ILRUN: variants seen among roughly 807,000 people sequenced by gnomAD.
ILRUN encodes the protein protein ILRUN.
A neutral mutation model predicts 33.8 loss-of-function variants in ILRUN; 3 were observed. That is an observed-to-expected ratio of 0.09 (90% CI 0.04 to 0.23). The LOEUF is 0.23. ILRUN is among the 10% of genes least tolerant of loss of function. The pLI, the probability that ILRUN is intolerant of heterozygous loss-of-function variation, is 1.00. For synonymous variants in ILRUN, 124 were observed against 138.9 expected, an observed-to-expected ratio of 0.89 and a Z score of 0.75; for missense variants, 210 against 375.1, an observed-to-expected ratio of 0.56 and a Z score of 3.64.
intron 3 of ILRUN, among the ~76,000 whole-genome samples, chr6:34,627,962 C>T (rs899845706): frequency 6.6e-6 from 1 of 152,044 alleles, no homozygotes; most frequent in East Asian, 1.9e-4. Flanking sequence ...CCTCAGTCCC[C>T]GAAGTACTGG....
At chr6:34,682,267 T>TTGTTTTGTTTTG (rs1416812137) in intron 1 of ILRUN, among the ~76,000 whole-genome samples, 32 of 139,808 alleles carry the variant, frequency 2.3e-4, no homozygotes, top group African/African-American at 7.2e-4. Context: ...TTTTTTTTTT[T>TTGTTTTGTTTTG]TTTTTTTTTT....
chr6:34,596,241 C>T (rs1761396891), intron 4 of ILRUN, among the ~76,000 whole-genome samples: 1 of 152,200 alleles, frequency 6.6e-6, no homozygotes, highest in Non-Finnish European at 1.5e-5. Context: ...CAGCAGGACC[C>T]GTCAGCATGA....
chr6:34,643,828 G>A (rs564020844), intron 3 of ILRUN, among the ~76,000 whole-genome samples: 3 of 152,098 alleles, frequency 2.0e-5, no homozygotes, highest in South Asian at 2.1e-4. Flanking sequence ...TCAGCCTCCC[G>A]AGTAGCTGGG....
chr6:34,670,244 T>G (rs1035800954), intron 1 of ILRUN, among the ~76,000 whole-genome samples: 2 of 152,060 alleles, frequency 1.3e-5, no homozygotes, highest in African/African-American at 4.8e-5. Context: ...CAAAAAAGAT[T>G]AGTGGTTGCC....
At position 34,614,445 on chromosome 6, in the gene ILRUN, T is replaced by A. The variant is rs868853455; in HGVS notation, c.512-7541A>T. 4.3e-4 allele frequency among the ~76,000 whole-genome samples: 50 copies of A among 116,696 alleles called. 1 individual carries two copies. Among genetic ancestry groups the A allele is most frequent in the African/African-American group, 1.2e-3 (30 of 24,832 alleles). The allele number at this position is 116,696 out of a possible 152,430, so 76.6% of individuals were successfully genotyped here. On this transcript the variant is annotated intron_variant, in intron 3 of 4. Coordinates refer to ENST00000374023, the MANE Select transcript of ILRUN (RefSeq NM_024294.4). ...TCAAAAAATAATAAAAAAAAAAAAATATATATATATAAAATGTATATTATA... is the reference window on the plus strand; with the variant it reads ...TCAAAAAATAATAAAAAAAAAAAAAAATATATATATAAAATGTATATTATA...
chr6:34,654,189 A>G (rs992615010), intron 2 of ILRUN, among the ~76,000 whole-genome samples: 3 of 152,098 alleles, frequency 2.0e-5, no homozygotes, highest in African/African-American at 7.2e-5. Flanking sequence ...AGAGCTTTCA[A>G]AAGAGCAGAT....
chr6:34,595,884 TTTCCTGGGTCA>T, intron 4 of ILRUN: 1 of 985,492 alleles, frequency 1.0e-6, no homozygotes, highest in Non-Finnish European at 1.2e-6. Context: ...CTCTTCCTCA[TTTCCTGGGTCA>T]GTCCTGGTCA....
chr6:34,650,417 T>G (rs1562017823), intron 2 of ILRUN, among the ~76,000 whole-genome samples: 1 of 83,088 alleles, frequency 1.2e-5, no homozygotes, highest in Non-Finnish European at 2.2e-5. Context: ...TTTTATTTAT[T>G]TATTTATTTA....
At chr6:34,621,209 TAAC>T (rs1399974137) in intron 3 of ILRUN, among the ~76,000 whole-genome samples, 14 of 152,334 alleles carry the variant, frequency 9.2e-5, no homozygotes, top group Admixed American at 7.2e-4. Context: ...CTTCTTACTC[TAAC>T]AACTGAAAAT....
At chr6:34,683,501 T>TATATATATACATATATATATAC (rs1562033248) in intron 1 of ILRUN, among the ~76,000 whole-genome samples, 4 of 91,902 alleles carry the variant, frequency 4.4e-5, no homozygotes, top group East Asian at 3.1e-4. Context: ...TATATATACA[T>TATATATATACATATATATATAC]ATATATATAT....
intron 4 of ILRUN, among the ~76,000 whole-genome samples, chr6:34,598,325 C>T (rs1415931644): frequency 6.6e-6 from 1 of 152,194 alleles, no homozygotes; most frequent in African/African-American, 2.4e-5. Context: ...CAGTTCTTAA[C>T]CTTACATTTT....
intron 1 of ILRUN, among the ~76,000 whole-genome samples, chr6:34,691,847 A>G (rs369810572): frequency 2.0e-5 from 3 of 152,228 alleles, no homozygotes; most frequent in African/African-American, 7.2e-5. Context: ...ACCAAACAAA[A>G]TATGTGTTAA....
chr6:34,672,778 A>T (rs1763143227), intron 1 of ILRUN, among the ~76,000 whole-genome samples: 1 of 152,132 alleles, frequency 6.6e-6, no homozygotes, highest in African/African-American at 2.4e-5. Context: ...CAGGAGCTCC[A>T]ATAAAGGAGA....
At position 34,592,892 on chromosome 6, in the gene ILRUN, T is replaced by G. The variant is rs6919218; in HGVS notation, c.862-2292A>C. Reference sequence around the variant, plus strand: ...AAAATGCACAGCAAAAAGAAAACCTTGCTAGGTACGGTCGCTTATGTCTAT... The same window carrying G: ...AAAATGCACAGCAAAAAGAAAACCTGGCTAGGTACGGTCGCTTATGTCTAT... On this transcript the variant is annotated intron_variant, in intron 4 of 4. Transcript: ENST00000374023. This position sits in a 1 kb window ranked among gnomAD's most constrained non-coding sequence, Gnocchi z 4.0. Among the ~76,000 whole-genome samples the G allele has an allele frequency of 0.022, 3,387 of 152,276 alleles. 127 individuals carry two copies. The highest frequency in any genetic ancestry group is 0.074 in the African/African-American group (3,075 of 41,546).
intron 1 of ILRUN, among the ~76,000 whole-genome samples, chr6:34,663,322 C>T (rs938116305): frequency 6.6e-6 from 1 of 152,038 alleles, no homozygotes; most frequent in Non-Finnish European, 1.5e-5. Context: ...ACTCAGAAGG[C>T]TGAAGTGGAA....
intron 1 of ILRUN, among the ~76,000 whole-genome samples, chr6:34,678,621 G>C (rs911797950): frequency 4.1e-4 from 62 of 151,886 alleles, no homozygotes; most frequent in African/African-American, 1.3e-3. Context: ...GCCGAGGCAG[G>C]TGGATCACGA....
At chr6:34,621,817 C>T (rs933327225) in intron 3 of ILRUN, among the ~76,000 whole-genome samples, 1 of 151,600 alleles carries the variant, frequency 6.6e-6, no homozygotes, top group African/African-American at 2.4e-5. Flanking sequence ...GAGCCAAGAT[C>T]GTGCCACTGC....
intron 1 of ILRUN, among the ~76,000 whole-genome samples, chr6:34,680,175 CTT>C (rs1763329998): frequency 6.6e-6 from 1 of 152,196 alleles, no homozygotes; most frequent in South Asian, 2.1e-4. Flanking sequence ...CTCTAAGCCT[CTT>C]TTCCTTTTGT....
intron 1 of ILRUN, among the ~76,000 whole-genome samples, chr6:34,656,632 T>A (rs1329694876): frequency 6.6e-6 from 1 of 152,186 alleles, no homozygotes; most frequent in Admixed American, 6.5e-5. Context: ...TAATTATACA[T>A]AAACATAGCA....
Sources: allele counts gnomAD v4.1 joint callset (sites outside exome capture counted in the v4.1 genomes callset), GRCh38; gene constraint gnomAD v4.1.1; non-coding constraint Gnocchi (gnomAD v3.1); transcripts MANE v1.5; gene names NCBI Gene and HGNC (gene_info 2026-07-23, HGNC 2026-07-21).